The following ADAMTS17 variants were observed in gnomAD, a reference collection of about 807,000 sequenced individuals.
ADAMTS17 encodes ADAM metallopeptidase with thrombospondin type 1 motif 17, also known as A disintegrin and metalloproteinase with thrombospondin motifs 17.
In ADAMTS17, 113 loss-of-function variants were observed where a neutral mutation model predicts 141.5. The observed-to-expected ratio is 0.80, with a 90% CI of 0.69 to 0.93. The LOEUF is 0.93. Among genes scored for constraint, ADAMTS17 ranks in the 40% least tolerant of loss-of-function variants. ADAMTS17 has a pLI of 0.00. For synonymous variants in ADAMTS17, 768 were observed against 630.6 expected, an observed-to-expected ratio of 1.22 and a Z score of -3.27; for missense variants, 1,659 against 1,517.9, an observed-to-expected ratio of 1.09 and a Z score of -1.54.
intron 7 of ADAMTS17, among the ~76,000 whole-genome samples, chr15:100,214,496 A>G (rs952965399): frequency 6.8e-6 from 1 of 147,288 alleles, no homozygotes; most frequent in African/African-American, 2.5e-5. Flanking sequence ...AATTGTGGTA[A>G]TTATGTTTTT....
intron 10 of ADAMTS17, among the ~76,000 whole-genome samples, chr15:100,140,473 A>C (rs1441800841): frequency 9.9e-6 from 1 of 101,134 alleles, no homozygotes; most frequent in East Asian, 2.9e-4. Context: ...ACACACAGAC[A>C]CACACACATA....
Position 99,974,122 on chromosome 15 carries a change from T to C in ADAMTS17, c.*280A>G, listed in dbSNP as rs559395668. The C allele has an allele frequency of 3.9e-6, 2 of 514,552 alleles. No homozygotes were observed. Among genetic ancestry groups the C allele is most frequent in the East Asian group, 7.1e-5 (2 of 28,368 alleles). 31.9% of individuals were successfully genotyped at this position (514,552 alleles called of 1,614,324 possible). A position where few individuals can be genotyped will look rare whatever the true frequency, so the allele number is the denominator to read the frequency against. ...TGATGTCTCTCTCTTGACGGTTGTC[T>C]GCCAGAGGTGCTTCCCTTCGAGGTA... On this transcript the variant is annotated 3_prime_UTR_variant, in exon 22 of 22. Coordinates refer to ENST00000268070, the MANE Select transcript of ADAMTS17 (RefSeq NM_139057.4).
chr15:100,316,213 G>A (rs71405373), intron 3 of ADAMTS17, among the ~76,000 whole-genome samples: 1 of 152,200 alleles, frequency 6.6e-6, no homozygotes, highest in African/African-American at 2.4e-5. Context: ...GCCCTCCTGA[G>A]GTACCATGCC....
At chr15:100,069,510 A>G (rs1313887679) in intron 15 of ADAMTS17, among the ~76,000 whole-genome samples, 1 of 152,224 alleles carries the variant, frequency 6.6e-6, no homozygotes, top group East Asian at 1.9e-4. Flanking sequence ...CAGGTTACCC[A>G]CAAAGGGAAG....
chr15:100,258,219 G>C (rs1319467991), intron 6 of ADAMTS17, among the ~76,000 whole-genome samples: 1 of 152,084 alleles, frequency 6.6e-6, no homozygotes, highest in Non-Finnish European at 1.5e-5. Flanking sequence ...CAATTATCTT[G>C]AATTTCAGTT....
chr15:100,054,757 G>A (rs2032427862), intron 15 of ADAMTS17, among the ~76,000 whole-genome samples: 1 of 152,202 alleles, frequency 6.6e-6, no homozygotes. Flanking sequence ...TGGGCTTCAG[G>A]TTCTCACGTT....
intron 15 of ADAMTS17, among the ~76,000 whole-genome samples, chr15:100,094,085 T>A (rs1234948565): frequency 3.8e-5 from 5 of 130,380 alleles, no homozygotes; most frequent in African/African-American, 9.2e-5. Flanking sequence ...CTGTGAGGAT[T>A]TGAAAAACAA....
chr15:100,063,779 A>G, intron 15 of ADAMTS17: 1 of 1,288,024 alleles, frequency 7.8e-7, no homozygotes, highest in Non-Finnish European at 1.0e-6. Flanking sequence ...CAAACGACAC[A>G]GAAGTAAACC....
At chr15:100,301,312 T>C (rs1389228800) in intron 3 of ADAMTS17, among the ~76,000 whole-genome samples, 2 of 149,774 alleles carry the variant, frequency 1.3e-5, no homozygotes, top group Non-Finnish European at 3.0e-5. Context: ...CTCTCTACTG[T>C]TCTATGTGAG....
intron 20 of ADAMTS17, among the ~76,000 whole-genome samples, chr15:99,992,809 G>A (rs528847915): frequency 4.6e-5 from 7 of 152,368 alleles, no homozygotes; most frequent in African/African-American, 1.7e-4. Context: ...CTGCATGCAC[G>A]TGAAGCAGTG....
intron 10 of ADAMTS17, among the ~76,000 whole-genome samples, chr15:100,145,751 G>C (rs2038872002): frequency 6.6e-6 from 1 of 152,180 alleles, no homozygotes; most frequent in Admixed American, 6.5e-5. Context: ...TTAATCACAG[G>C]AATAAGCAAT....
At chr15:100,208,362 T>C (rs1285018699) in intron 7 of ADAMTS17, among the ~76,000 whole-genome samples, 1 of 151,892 alleles carries the variant, frequency 6.6e-6, no homozygotes, top group East Asian at 1.9e-4. Context: ...AGACAGAAGG[T>C]GCTCATCACT....
At chr15:100,216,582 C>A (rs2041974688) in intron 7 of ADAMTS17, among the ~76,000 whole-genome samples, 1 of 152,210 alleles carries the variant, frequency 6.6e-6, no homozygotes, top group African/African-American at 2.4e-5. Flanking sequence ...TACCTTTGCT[C>A]TCCTTGCCTG....
chr15:100,334,239 T>C (rs1175364798), intron 2 of ADAMTS17, among the ~76,000 whole-genome samples: 1 of 152,226 alleles, frequency 6.6e-6, no homozygotes, highest in Non-Finnish European at 1.5e-5. Flanking sequence ...TTAGCACATG[T>C]TCTCGGCATA....
chr15:100,211,517 C>G (rs78753632), intron 7 of ADAMTS17, among the ~76,000 whole-genome samples: 77 of 152,176 alleles, frequency 5.1e-4, no homozygotes, highest in Admixed American at 1.8e-3. Flanking sequence ...GAAACAACTT[C>G]GAATCTGTCA....
chr15:100,155,331 A>G lies in ADAMTS17; in HGVS notation c.1182-11T>C. On this transcript the variant is annotated splice_polypyrimidine_tract_variant and intron_variant, in intron 8 of 21. Coordinates refer to ENST00000268070, the MANE Select transcript of ADAMTS17 (RefSeq NM_139057.4). The stretch of plus-strand genomic sequence containing the variant: ...TGGTTCATGCCCAAGCTGTCCAAGA[A>G]GGAGGAGAGAGGGATGCTTATGCTA... The G allele has an allele frequency of 6.2e-7, 1 of 1,612,018 alleles. No individual in the cohort carries two copies. Among genetic ancestry groups the G allele is most frequent in the Non-Finnish European group, 8.5e-7 (1 of 1,178,938 alleles).
At chr15:100,150,668 C>T (rs987999313) in intron 10 of ADAMTS17, among the ~76,000 whole-genome samples, 5 of 152,142 alleles carry the variant, frequency 3.3e-5, no homozygotes, top group African/African-American at 7.2e-5. Context: ...GCAGTCTCTG[C>T]CCAGCCTCCA....
intron 18 of ADAMTS17, among the ~76,000 whole-genome samples, chr15:100,032,757 A>T (rs1219815281): frequency 6.6e-6 from 1 of 152,240 alleles, no homozygotes; most frequent in Non-Finnish European, 1.5e-5. Context: ...GCATTCTGTT[A>T]CCAGAATGAG....
At chr15:100,168,281 C>A (rs1044341928) in intron 8 of ADAMTS17, 2 of 152,176 alleles carry the variant, frequency 1.3e-5, no homozygotes, top group East Asian at 3.9e-4. Context: ...ACCACGTGCA[C>A]GGCTTATTAA....
Sources: allele counts gnomAD v4.1 joint callset (sites outside exome capture counted in the v4.1 genomes callset), GRCh38; gene constraint gnomAD v4.1.1; transcripts MANE v1.5; gene names NCBI Gene and HGNC (gene_info 2026-07-23, HGNC 2026-07-21).